Variants in RYR2 observed in about 807,000 individuals in gnomAD.
RYR2 encodes the protein ryanodine receptor 2, also known as cardiac muscle ryanodine receptor-calcium release channel.
Under a neutral mutation model 601.1 loss-of-function variants are expected in RYR2, and 227 were observed. The observed-to-expected ratio is 0.38, with a 90% CI of 0.34 to 0.42. RYR2 has a LOEUF of 0.42. Ranked by LOEUF, RYR2 falls within the 10% of genes least tolerant of loss-of-function variation. RYR2 has a pLI of 1.00. For missense variants in RYR2, 4,646 were observed against 6,156.5 expected (o/e 0.75, Z 8.21); for synonymous variants, 2,223 against 2,175.1 (o/e 1.02, Z -0.61).
At chr1:237,381,441 A>G (rs879892845) in intron 8 of RYR2, among the ~76,000 whole-genome samples, 2 of 152,170 alleles carry the variant, frequency 1.3e-5, no homozygotes, top group East Asian at 1.9e-4. Flanking sequence ...AAGTTTAACA[A>G]TGTGTCTGAT....
At position 237,610,605 on chromosome 1, in the gene RYR2, T is replaced by G. The variant is rs1411964227; in HGVS notation, c.4684-157T>G. 6.6e-6 allele frequency among the ~76,000 whole-genome samples: 1 copy of G among 152,208 alleles called. No homozygotes were observed. Among genetic ancestry groups the G allele is most frequent in the African/African-American group, 2.4e-5 (1 of 41,460 alleles). ...TCCTGGTTTGTCCTTTCAGAAACTT[T>G]TCAACCCAATTTCTATGATTTCTTG... On this transcript the variant is annotated intron_variant, in intron 35 of 104. Transcript: ENST00000366574. The surrounding 1 kb of genome is among the most constrained non-coding windows in gnomAD (Gnocchi z 4.9).
chr1:237,645,755 A>G (rs775948273), intron 48 of RYR2, among the ~76,000 whole-genome samples: 1 of 151,460 alleles, frequency 6.6e-6, no homozygotes, highest in Admixed American at 6.6e-5. Flanking sequence ...TATGCAGTAT[A>G]TTGTCTACAT....
At chr1:237,453,708 C>G (rs1658468331) in intron 14 of RYR2, among the ~76,000 whole-genome samples, 1 of 152,014 alleles carries the variant, frequency 6.6e-6, no homozygotes, top group Non-Finnish European at 1.5e-5. Context: ...TTATAAAGTT[C>G]TTTTCAGATA....
chr1:237,175,819 C>T (rs1572101298), intron 1 of RYR2, among the ~76,000 whole-genome samples: 1 of 152,212 alleles, frequency 6.6e-6, no homozygotes, highest in East Asian at 1.9e-4. Context: ...TCACAGTCCT[C>T]TTTCCTGTCT....
At chr1:237,750,973 C>G (rs1447760746) in intron 80 of RYR2, among the ~76,000 whole-genome samples, 1 of 152,116 alleles carries the variant, frequency 6.6e-6, no homozygotes, top group Non-Finnish European at 1.5e-5. Flanking sequence ...GGGTTAATAA[C>G]CATTCATGAA....
chr1:237,666,598 T>C lies in RYR2; in HGVS notation c.8514+9T>C. 3 of 1,600,432 alleles carry C rather than the reference T, an allele frequency of 1.9e-6. No homozygotes were observed. Among genetic ancestry groups the C allele is most frequent in the Non-Finnish European group, 2.6e-6 (3 of 1,170,906 alleles). The stretch of plus-strand genomic sequence containing the variant: ...TATCTAGAGACCTGCATGTAAGTAC[T>C]ATTAACTTTTAAAAATAGTCTCCAA... On this transcript the variant is annotated intron_variant, in intron 57 of 104. Coordinates refer to ENST00000366574, the MANE Select transcript of RYR2 (RefSeq NM_001035.3).
chr1:237,464,107 T>TA (rs1287653439), intron 16 of RYR2, among the ~76,000 whole-genome samples: 2 of 152,178 alleles, frequency 1.3e-5, no homozygotes, highest in African/African-American at 4.8e-5. Flanking sequence ...AACACGTGTG[T>TA]ACATATCTGC....
intron 34 of RYR2, among the ~76,000 whole-genome samples, chr1:237,599,089 T>C (rs182803287): frequency 6.6e-6 from 1 of 152,218 alleles, no homozygotes; most frequent in Non-Finnish European, 1.5e-5. Context: ...TATGAAGAAA[T>C]AGAAAATCTG....
intron 96 of RYR2, among the ~76,000 whole-genome samples, chr1:237,796,605 A>T (rs1454956333): frequency 2.0e-5 from 3 of 152,100 alleles, no homozygotes; most frequent in Non-Finnish European, 4.4e-5. Flanking sequence ...TTTCATCAGT[A>T]TATTTCCTTC....
At chr1:237,832,350 C>T (rs1663897249) in intron 104 of RYR2, among the ~76,000 whole-genome samples, 1 of 152,004 alleles carries the variant, frequency 6.6e-6, no homozygotes, top group African/African-American at 2.4e-5. Flanking sequence ...GTGTGCCCAG[C>T]CAACATATTT....
At position 237,361,446 on chromosome 1, in the gene RYR2, A is replaced by C. The variant is rs547630057; in HGVS notation, c.295-2912A>C. On this transcript the variant is annotated intron_variant, in intron 4 of 104. Transcript: ENST00000366574. ...AGGAAAAGATGGCGAAAAGGCTTAA[A>C]TTTGATGTATATTTTGTGTACAGAG... Among the ~76,000 whole-genome samples, 3 of 152,228 alleles carry C rather than the reference A, an allele frequency of 2.0e-5. No homozygotes were observed. The South Asian group carries it at 6.2e-4, about 32-fold the overall frequency.
At chr1:237,782,145 C>G (rs1215711174) in intron 89 of RYR2, among the ~76,000 whole-genome samples, 1 of 138,010 alleles carries the variant, frequency 7.2e-6, no homozygotes, top group African/African-American at 2.6e-5. Context: ...TTAATTTTCT[C>G]TTTTTTTTTC....
intron 1 of RYR2, among the ~76,000 whole-genome samples, chr1:237,268,992 G>A (rs1173422754): frequency 6.9e-6 from 1 of 145,520 alleles, no homozygotes; most frequent in Non-Finnish European, 1.5e-5. Flanking sequence ...GCATTACCAG[G>A]ATTTTAAATA....
At chr1:237,574,841 G>A (rs1031259861) in intron 29 of RYR2, among the ~76,000 whole-genome samples, 20 of 152,128 alleles carry the variant, frequency 1.3e-4, no homozygotes, top group African/African-American at 4.1e-4. Context: ...TGTAGCCCAC[G>A]TTACCATCTT....
rs984864134 is a variant in RYR2, at chr1:237,509,569, A to G, written c.2719-2119A>G. 2.6e-5 allele frequency among the ~76,000 whole-genome samples: 4 copies of G among 152,288 alleles called. No individual in the cohort carries two copies. In the East Asian group the frequency reaches 5.8e-4, roughly 22 times the overall value. ...GAATAACAAGGCAGATCTGTCTATCATTTATTCGTCCCTTTAACATTTATT... is the reference window on the plus strand; with the variant it reads ...GAATAACAAGGCAGATCTGTCTATCGTTTATTCGTCCCTTTAACATTTATT... On this transcript the variant is annotated intron_variant, in intron 23 of 104. Coordinates refer to ENST00000366574, the MANE Select transcript of RYR2 (RefSeq NM_001035.3).
In RYR2 at chr1:237,156,839, G is replaced by T. The variant is rs556183426; in HGVS notation, c.49-113658G>T. Among the ~76,000 whole-genome samples the T allele has an allele frequency of 2.1e-3, 322 of 152,220 alleles. 7 individuals carry two copies. Among genetic ancestry groups the T allele is most frequent in the Admixed American group, 0.02 (305 of 15,290 alleles). The stretch of plus-strand genomic sequence containing the variant: ...CCTTTGATTTCATCCTGTATTAAAT[G>T]GAAATACACCCCAGTTAAAATGGCG... On this transcript the variant is annotated intron_variant, in intron 1 of 104. Transcript: ENST00000366574.
At chr1:237,444,918 T>C (rs1472315328) in intron 13 of RYR2, among the ~76,000 whole-genome samples, 2 of 152,222 alleles carry the variant, frequency 1.3e-5, no homozygotes, top group Non-Finnish European at 2.9e-5. Context: ...GTATGACTGG[T>C]GTGCCAGTGC....
intron 61 of RYR2, among the ~76,000 whole-genome samples, chr1:237,679,004 C>G (rs899658229): frequency 3.3e-5 from 5 of 152,120 alleles, no homozygotes; most frequent in Admixed American, 3.3e-4. Context: ...AAATTGTGTT[C>G]TTTACTGTAA....
At chr1:237,209,962 T>C (rs1010755439) in intron 1 of RYR2, among the ~76,000 whole-genome samples, 5 of 152,194 alleles carry the variant, frequency 3.3e-5, no homozygotes, top group Admixed American at 2.6e-4. Context: ...GTGATATTTT[T>C]AATGAGAAAT....
Sources: allele counts gnomAD v4.1 joint callset (sites outside exome capture counted in the v4.1 genomes callset), GRCh38; gene constraint gnomAD v4.1.1; non-coding constraint Gnocchi (gnomAD v3.1); transcripts MANE v1.5; gene names NCBI Gene and HGNC (gene_info 2026-07-23, HGNC 2026-07-21).